Variants in STATH observed in about 807,000 individuals in gnomAD.
STATH encodes the protein statherin.
A neutral mutation model predicts 13.3 loss-of-function variants in STATH; 11 were observed. The observed-to-expected ratio is 0.83, with a 90% CI of 0.52 to 1.37. The LOEUF (loss-of-function observed/expected upper bound fraction) is 1.37, where lower values mean the gene tolerates loss of function less well. STATH is among the 40% of genes most tolerant of loss of function. The pLI, the probability that STATH is intolerant of heterozygous loss-of-function variation, is 0.00. For synonymous variants in STATH, 25 were observed against 23.6 expected (o/e 1.06, Z -0.17); for missense variants, 78 against 73.3 (o/e 1.06, Z -0.24).
In STATH at chr4:70,000,846, T is replaced by C; in HGVS notation, c.103-17T>C. ...TCTCAATTTTCTGCAATTTTCTTTC[T>C]CCTTGTGTGTATACAGTATGGGTAT... is the stretch of plus-strand genomic sequence containing the variant. On this transcript the variant is annotated splice_polypyrimidine_tract_variant and intron_variant, in intron 4 of 5. Coordinates refer to ENST00000246895, the MANE Select transcript of STATH (RefSeq NM_003154.3). 6.2e-7 allele frequency: 1 copy of C among 1,602,844 alleles called. No individual in the cohort carries two copies. The highest frequency in any genetic ancestry group is 8.5e-7 in the Non-Finnish European group (1 of 1,170,564).
At chr4:69,997,699 C>T (rs1048502372) in intron 1 of STATH, among the ~76,000 whole-genome samples, 2 of 152,116 alleles carry the variant, frequency 1.3e-5, no homozygotes, top group Admixed American at 6.6e-5. Context: ...ATTAAGTCAT[C>T]TTCACCAATT....
rs1724693390 is a variant in STATH at position 70,002,433 on chromosome 4, T to C, written c.*278T>C. On this transcript the variant is annotated 3_prime_UTR_variant, in exon 6 of 6. Coordinates refer to ENST00000246895, the MANE Select transcript of STATH (RefSeq NM_003154.3). ...ATAGAAATCACTTCTCTAAAAGCAA[T>C]AAATTTCAAGCACATTTTTACATGT... 6.6e-6 allele frequency: 1 copy of C among 151,796 alleles called. No individual in the cohort carries two copies. Among genetic ancestry groups the C allele is most frequent in the Non-Finnish European group, 1.5e-5 (1 of 67,802 alleles). The allele number at this position is 151,796 out of a possible 1,614,324, so 9.4% of individuals were successfully genotyped here. A position where few individuals can be genotyped will look rare whatever the true frequency, so the allele number is the denominator to read the frequency against.
rs369922569 is a variant in STATH at position 69,998,500 on chromosome 4, A to T, written c.51+12A>T. ...TGGTTTCCATGATTGTAAGTATATC[A>T]GGACATTTGAAGAATATGTTCTCAG... On this transcript the variant is annotated intron_variant, in intron 2 of 5. Transcript: ENST00000246895. 7 of 1,609,256 alleles carry T rather than the reference A, an allele frequency of 4.3e-6. No homozygotes were observed. Among genetic ancestry groups the T allele is most frequent in the Non-Finnish European group, 5.1e-6 (6 of 1,176,596 alleles).
intron 4 of STATH, 78 bp downstream of exon 4, chr4:69,999,887 A>G: frequency 6.5e-7 from 1 of 1,530,844 alleles, no homozygotes; most frequent in Non-Finnish European, 9.0e-7. Flanking sequence ...AAGAACCAAT[A>G]CTTATTTCTC....
In STATH at chr4:70,002,441, A is replaced by T. The variant is rs1253016007; in HGVS notation, c.*286A>T. 6.6e-6 allele frequency: 1 copy of T among 151,772 alleles called. No individual in the cohort carries two copies. Among genetic ancestry groups the T allele is most frequent in the Non-Finnish European group, 1.5e-5 (1 of 67,798 alleles). 9.4% of individuals were successfully genotyped at this position (151,772 alleles called of 1,614,324 possible). On this transcript the variant is annotated 3_prime_UTR_variant, in exon 6 of 6. Coordinates refer to ENST00000246895, the MANE Select transcript of STATH (RefSeq NM_003154.3). The stretch of plus-strand genomic sequence containing the variant: ...CACTTCTCTAAAAGCAATAAATTTC[A>T]AGCACATTTTTACATGTATGCTCCT...
chr4:70,000,785 T>C (rs535189348), intron 4 of STATH, 78 bp from the exon 5 acceptor site: 6 of 1,055,616 alleles, frequency 5.7e-6, no homozygotes, highest in Non-Finnish European at 8.7e-6. Flanking sequence ...ACTTTAACAA[T>C]CTAAGCTTCT....
At chr4:70,001,859 G>A (rs1724679360) in intron 5 of STATH, among the ~76,000 whole-genome samples, 1 of 151,684 alleles carries the variant, frequency 6.6e-6, no homozygotes. Context: ...AATAGCTGAT[G>A]ACATTTAATC....
intron 5 of STATH, among the ~76,000 whole-genome samples, chr4:70,001,813 G>A (rs946433101): frequency 1.8e-4 from 27 of 151,790 alleles, no homozygotes; most frequent in African/African-American, 6.5e-4. Flanking sequence ...TAGTGATACA[G>A]GGAAGAGCCT....
At chr4:69,999,527 A>G (rs1724593573) in intron 2 of STATH, 140 bp from the exon 3 acceptor site, 1 of 761,334 alleles carries the variant, frequency 1.3e-6, no homozygotes, top group Non-Finnish European at 2.1e-6. Context: ...TCATGAAGCA[A>G]AAATAACTAA....
Position 69,996,590 on chromosome 4 carries a change from C to T in STATH, c.-16+565C>T, listed in dbSNP as rs144227336. ...TGTTTTATATTACTTAAGTTGTTTT[C>T]ATTCAGTTGTGATATGGCAGAAAAC... On this transcript the variant is annotated intron_variant, in intron 1 of 5. Transcript: ENST00000246895. Among the ~76,000 whole-genome samples the T allele has an allele frequency of 4.7e-3, 718 of 152,042 alleles. 3 individuals carry two copies. Among genetic ancestry groups the T allele is most frequent in the Non-Finnish European group, 7.8e-3 (529 of 67,962 alleles).
rs181619166 is a variant in STATH at position 69,999,790 on chromosome 4, G to A, written c.83G>A (p.Arg28His). The change falls in exon 4 of 6, where the codon CGT (arginine) becomes CAT (histidine). Residue 28 changes from arginine (R) to histidine (H), a missense_variant. By Grantham distance (29) the Arg-to-His change is conservative. Transcript: ENST00000246895. ...GADSSEEKFL[R>H]RIGRFGYGYG... is the part of the protein sequence containing the mutation. ...CTTCATTTTTCACAGAAATTTTTGC[G>A]TAGAATTGGAAGATTCGGTGTAAGT... is the stretch of plus-strand genomic sequence containing the variant. 125 of 1,611,958 alleles carry A rather than the reference G, an allele frequency of 7.8e-5. No homozygotes were observed. The Admixed American group carries it at 8.4e-4, about 11-fold the overall frequency.
intron 1 of STATH, among the ~76,000 whole-genome samples, chr4:69,997,582 T>C (rs1186166598): frequency 6.6e-6 from 1 of 152,102 alleles, no homozygotes; most frequent in African/African-American, 2.4e-5. Flanking sequence ...TAATCTAACG[T>C]TTTTTGTTTA....
intron 2 of STATH, among the ~76,000 whole-genome samples, chr4:69,999,438 G>A (rs1401472560): frequency 6.6e-6 from 1 of 151,768 alleles, no homozygotes; most frequent in Non-Finnish European, 1.5e-5. Context: ...CACAAAACAA[G>A]TATAAATCCA....
chr4:69,997,629 T>C (rs1049227799), intron 1 of STATH, among the ~76,000 whole-genome samples: 3 of 152,198 alleles, frequency 2.0e-5, no homozygotes, highest in Non-Finnish European at 4.4e-5. Flanking sequence ...TTATACTGTT[T>C]ATGATAACAT....
chr4:70,001,963 T>C (rs1218800198), intron 5 of STATH, among the ~76,000 whole-genome samples: 1 of 151,806 alleles, frequency 6.6e-6, no homozygotes, highest in Admixed American at 6.6e-5. Flanking sequence ...AGTATGATGA[T>C]TGAAAAATAA....
intron 1 of STATH, among the ~76,000 whole-genome samples, chr4:69,997,977 C>T (rs1724554313): frequency 6.6e-6 from 1 of 152,106 alleles, no homozygotes; most frequent in African/African-American, 2.4e-5. Context: ...TCTATCTTCC[C>T]TACATTTTGA....
chr4:69,999,756 T>G (rs1724602673), intron 3 of STATH, 24 bp from the exon 4 acceptor site: 1 of 1,611,780 alleles, frequency 6.2e-7, no homozygotes, highest in African/African-American at 1.3e-5. Context: ...ATTGAATTAT[T>G]AAACTTTTCT....
intron 1 of STATH, among the ~76,000 whole-genome samples, chr4:69,996,252 T>G (rs1334162968): frequency 6.6e-6 from 1 of 152,150 alleles, no homozygotes; most frequent in Non-Finnish European, 1.5e-5. Context: ...ATGTGGAATA[T>G]GGAGACATAT....
Position 70,000,964 on chromosome 4 carries a change from G to A in STATH, c.*15G>A, listed in dbSNP as rs773105932. The A allele has an allele frequency of 3.1e-6, 5 of 1,602,578 alleles. No homozygotes were observed. Among genetic ancestry groups the A allele is most frequent in the African/African-American group, 2.7e-5 (2 of 74,514 alleles). On this transcript the variant is annotated 3_prime_UTR_variant, in exon 5 of 6. Coordinates refer to ENST00000246895, the MANE Select transcript of STATH (RefSeq NM_003154.3). ...ATACCTTTTAATATCATCAGTAACT[G>A]CAGGACATGATTATTGAGGTAAGAT...
Sources: gnomAD v4.1 joint callset for allele counts (sites outside exome capture counted in the v4.1 genomes callset) on GRCh38, gnomAD v4.1.1 for gene constraint, MANE v1.5 for transcripts, NCBI Gene and HGNC (gene_info 2026-07-23, HGNC 2026-07-21) for gene names.